The following GSE1 variants were observed in gnomAD, a reference collection of about 807,000 sequenced individuals.
GSE1 encodes Gse1 coiled-coil protein.
GSE1 carries 32 observed loss-of-function variants against 112.6 expected under a neutral mutation model. The observed-to-expected ratio is 0.28, with a 90% CI of 0.21 to 0.38. The LOEUF (loss-of-function observed/expected upper bound fraction) is 0.38. GSE1 is among the 10% of genes least tolerant of loss of function. The pLI, the probability that GSE1 is intolerant of heterozygous loss-of-function variation, is 1.00. For missense variants in GSE1, 2,348 were observed against 1,699.2 expected (o/e 1.38, Z -6.71); for synonymous variants, 1,115 against 735.6 (o/e 1.52, Z -8.35).
intron 1 of GSE1, among the ~76,000 whole-genome samples, chr16:85,633,189 CACAGTGGGGTCTG>C (rs2049693652): frequency 6.6e-6 from 1 of 152,178 alleles, no homozygotes; most frequent in Non-Finnish European, 1.5e-5. Context: ...AGTAAGGGGC[CACAGTGGGGTCTG>C]CAGTGCGGCC....
At chr16:85,555,810 T>G (rs2045178983), upstream of GSE1, 1 of 963,040 alleles carries the variant, frequency 1.0e-6, no homozygotes, top group Non-Finnish European at 1.2e-6. Context: ...GGCTGTTTTT[T>G]TTTTCTTTCC....
chr16:85,506,311 A>C (rs1162119208), intron 2 of GSE1, among the ~76,000 whole-genome samples: 1 of 152,128 alleles, frequency 6.6e-6, no homozygotes, highest in East Asian at 1.9e-4. Flanking sequence ...CAATAATTTA[A>C]ATGTAAATAG....
At chr16:85,492,921 G>A (rs1289724067) in intron 2 of GSE1, among the ~76,000 whole-genome samples, 1 of 152,224 alleles carries the variant, frequency 6.6e-6, no homozygotes, top group Non-Finnish European at 1.5e-5. Flanking sequence ...CCCTGGAGGA[G>A]CTTATCGTCT....
At chr16:85,365,322 C>G (rs752677719) in intron 2 of GSE1, among the ~76,000 whole-genome samples, 1 of 152,252 alleles carries the variant, frequency 6.6e-6, no homozygotes, top group Non-Finnish European at 1.5e-5. Flanking sequence ...TGGCCTCAGT[C>G]TGGTCTATGC....
chr16:85,341,248 C>T (rs1010412570), intron 1 of GSE1, among the ~76,000 whole-genome samples: 1 of 151,814 alleles, frequency 6.6e-6, no homozygotes, highest in African/African-American at 2.4e-5. Flanking sequence ...GGTTAGAGTG[C>T]AGTGGATCTC....
rs79249895 is a variant in GSE1, at chr16:85,179,236, T to C, written c.2283+7429T>C. Among the ~76,000 whole-genome samples the C allele has an allele frequency of 1.3e-3, 198 of 152,274 alleles. 4 individuals are homozygous for C. The East Asian group carries it at 0.037, about 28-fold the overall frequency. On this transcript the variant is annotated intron_variant, in intron 1 of 2. Transcript: ENST00000637419. ...TGGATCTGCCCGTTCTGGTCGTCTC[T>C]TGTGAGTGGAATCATCTAATTCGTG...
chr16:85,601,867 G>A (rs1227214220), intron 1 of GSE1, among the ~76,000 whole-genome samples: 1 of 152,188 alleles, frequency 6.6e-6, no homozygotes, highest in African/African-American at 2.4e-5. Context: ...CTCTGTCTGC[G>A]TGCATCGCTT....
intron 2 of GSE1, among the ~76,000 whole-genome samples, chr16:85,493,165 G>A (rs1416613796): frequency 1.3e-5 from 2 of 152,218 alleles, no homozygotes; most frequent in African/African-American, 4.8e-5. Flanking sequence ...GAACTTTGCT[G>A]TGGCAAATTC....
chr16:85,275,869 T>G (rs1190961835), intron 1 of GSE1, among the ~76,000 whole-genome samples: 1 of 152,238 alleles, frequency 6.6e-6, no homozygotes, highest in Non-Finnish European at 1.5e-5. Flanking sequence ...CCTCCCTGCC[T>G]GTTGGCGGTC....
rs376231436 is a variant in GSE1, at chr16:85,668,336, T to A, written c.3327T>A (p.Asp1109Glu). The change falls in exon 14 of 16, where the codon GAT becomes GAA. Residue 1109 changes from aspartate (D) to glutamate (E), a missense_variant. Coordinates refer to ENST00000253458, the MANE Select transcript of GSE1 (RefSeq NM_014615.5). ...RDSEEEEEED[D>E]EDGEDEEEVP... ...CGGAGGAGGAGGAAGAGGAGGATGA[T>A]GAAGATGGAGAAGATGAGGAGGAAG... 6.2e-7 allele frequency: 1 copy of A among 1,612,440 alleles called. No individual in the cohort carries two copies. The highest frequency in any genetic ancestry group is 8.5e-7 in the Non-Finnish European group (1 of 1,179,266).
rs1227123310 is a variant in GSE1 at position 85,654,427 on chromosome 16, G to A, written c.576G>A (p.Gln192=). ...PFGLSPSSVV[Q]DSRFPPLNLQ... ...GCCTCTCCCCCAGCTCAGTTGTGCA[G>A]GATTCCCGCTTCCCGCCACTCAAGT... is the stretch of plus-strand genomic sequence containing the variant. The change falls in exon 4 of 16, where the codon CAG becomes CAA. Residue 192 remains glutamine, a synonymous_variant. Coordinates refer to ENST00000253458, the MANE Select transcript of GSE1 (RefSeq NM_014615.5). The A allele has an allele frequency of 2.5e-6, 4 of 1,571,632 alleles. No homozygotes were observed. The South Asian group carries it at 3.5e-5, about 14-fold the overall frequency.
chr16:85,202,959 C>T (rs1008697598), intron 1 of GSE1, among the ~76,000 whole-genome samples: 1 of 150,644 alleles, frequency 6.6e-6, no homozygotes, highest in African/African-American at 2.4e-5. Flanking sequence ...CCTCCCCTTC[C>T]CTCCTCCCCC....
At chr16:85,247,969 C>A (rs1389161775) in intron 1 of GSE1, among the ~76,000 whole-genome samples, 2 of 152,240 alleles carry the variant, frequency 1.3e-5, no homozygotes, top group African/African-American at 2.4e-5. Context: ...TCCTCGGGGA[C>A]AAATTGCCCA....
At chr16:85,576,276 G>C (rs1486971811) in intron 1 of GSE1, among the ~76,000 whole-genome samples, 1 of 152,192 alleles carries the variant, frequency 6.6e-6, no homozygotes, top group Non-Finnish European at 1.5e-5. Context: ...CAGAGGGAAA[G>C]GCACATTTAA....
chr16:85,663,876 C>T (rs1363936820), intron 11 of GSE1, among the ~76,000 whole-genome samples: 1 of 152,242 alleles, frequency 6.6e-6, no homozygotes, highest in African/African-American at 2.4e-5. Flanking sequence ...TCCCAGCGCC[C>T]GAGAAGGCGC....
rs1567692446 is a variant in GSE1, at chr16:85,331,353, G to GTA, written c.2284-26109_2284-26108insAT. On this transcript the variant is annotated intron_variant, in intron 1 of 2. Transcript: ENST00000637419. ...TGTGTGTGTGTGTGTGTGTGTGTGT[G>GTA]TGTGTGTGTGTGTATATATGTATAT... Among the ~76,000 whole-genome samples, 455 of 71,802 alleles carry GTA rather than the reference G, an allele frequency of 6.3e-3. 14 individuals are homozygous for GTA. Among genetic ancestry groups the GTA allele is most frequent in the African/African-American group, 0.016 (439 of 27,580 alleles). The allele number at this position is 71,802 out of a possible 152,430, so 47.1% of individuals were successfully genotyped here. A position where few individuals can be genotyped will look rare whatever the true frequency, so the allele number is the denominator to read the frequency against.
intron 2 of GSE1, among the ~76,000 whole-genome samples, chr16:85,486,064 G>A (rs1057235816): frequency 6.6e-6 from 1 of 152,132 alleles, no homozygotes; most frequent in African/African-American, 2.4e-5. Context: ...TGCAGTGAGG[G>A]TGCCCACCTC....
In GSE1 at chr16:85,311,954, C is replaced by G. The variant is rs972932783; in HGVS notation, c.2284-45509C>G. Among the ~76,000 whole-genome samples the G allele has an allele frequency of 6.6e-6, 1 of 152,198 alleles. No individual in the cohort carries two copies. Among genetic ancestry groups the G allele is most frequent in the Admixed American group, 6.5e-5 (1 of 15,288 alleles). Reference sequence around the variant, plus strand: ...AGCACTGCCCAGCCCCAGCCCCGCACCACTGTCCTCATGTCTGGAGATGTG... The same window carrying G: ...AGCACTGCCCAGCCCCAGCCCCGCAGCACTGTCCTCATGTCTGGAGATGTG... On this transcript the variant is annotated intron_variant, in intron 1 of 2. Coordinates refer to the GSE1 transcript ENST00000637419. The surrounding 1 kb of genome is among the most constrained non-coding windows in gnomAD (Gnocchi z 4.2).
At chr16:85,229,726 C>T (rs570332412) in intron 1 of GSE1, among the ~76,000 whole-genome samples, 23 of 152,290 alleles carry the variant, frequency 1.5e-4, no homozygotes, top group East Asian at 3.9e-4. Flanking sequence ...GAGTGGAAAG[C>T]GCAGTTCGCA....
Sources: allele counts gnomAD v4.1 joint callset (sites outside exome capture counted in the v4.1 genomes callset), GRCh38; gene constraint gnomAD v4.1.1; non-coding constraint Gnocchi (gnomAD v3.1); transcripts MANE v1.5; gene names NCBI Gene and HGNC (gene_info 2026-07-23, HGNC 2026-07-21).